The following PUM2 variants were observed in gnomAD, a reference collection of about 807,000 sequenced individuals.
PUM2 encodes the protein pumilio RNA binding family member 2, also known as pumilio homolog 2.
In PUM2, 57 loss-of-function variants were observed where a neutral mutation model predicts 124.5. That is an observed-to-expected ratio of 0.46 (90% CI 0.37 to 0.57). PUM2 has a LOEUF of 0.57. Ranked by LOEUF, PUM2 falls within the 20% of genes least tolerant of loss-of-function variation. The pLI, the probability that PUM2 is intolerant of heterozygous loss-of-function variation, is 0.00. For missense variants in PUM2, 1,065 were observed against 1,290.6 expected, an observed-to-expected ratio of 0.83 and a Z score of 2.68; for synonymous variants, 460 against 446.1, an observed-to-expected ratio of 1.03 and a Z score of -0.39.
At chr2:20,303,161 A>G (rs1677397676) in intron 7 of PUM2, among the ~76,000 whole-genome samples, 1 of 149,960 alleles carries the variant, frequency 6.7e-6, no homozygotes, top group Non-Finnish European at 1.5e-5. Context: ...TGACCTACAA[A>G]AAAAGCTTTT....
At chr2:20,296,996 G>T (rs2148312811) in intron 8 of PUM2, among the ~76,000 whole-genome samples, 1 of 152,220 alleles carries the variant, frequency 6.6e-6, no homozygotes, top group Middle Eastern at 3.4e-3. Flanking sequence ...CACCTGGCCA[G>T]CTTTGGCTTT....
At chr2:20,346,244 T>C (rs1262154424) in intron 1 of PUM2, among the ~76,000 whole-genome samples, 1 of 152,212 alleles carries the variant, frequency 6.6e-6, no homozygotes, top group Non-Finnish European at 1.5e-5. Flanking sequence ...TTATCATAGA[T>C]AACTGAATGT....
chr2:20,329,309 A>G (rs903568037), intron 1 of PUM2, among the ~76,000 whole-genome samples: 12 of 150,290 alleles, frequency 8.0e-5, no homozygotes, highest in Non-Finnish European at 1.3e-4. Flanking sequence ...GGGCATGCCT[A>G]TAGCCACAGC....
intron 2 of PUM2, among the ~76,000 whole-genome samples, chr2:20,326,652 A>G (rs1683750034): frequency 6.6e-6 from 1 of 152,236 alleles, no homozygotes; most frequent in South Asian, 2.1e-4. Context: ...GATGAGGTTA[A>G]CTTTGGTGCT....
At chr2:20,264,104 C>A (rs953991228) in intron 13 of PUM2, among the ~76,000 whole-genome samples, 1 of 150,710 alleles carries the variant, frequency 6.6e-6, no homozygotes, top group African/African-American at 2.4e-5. Flanking sequence ...TTTGGATGGT[C>A]GAGGAGGGCG....
At chr2:20,270,037 G>GCC (rs1308461900) in intron 13 of PUM2, among the ~76,000 whole-genome samples, 1 of 152,042 alleles carries the variant, frequency 6.6e-6, no homozygotes, top group Admixed American at 6.6e-5. Flanking sequence ...AGTTCCAAAA[G>GCC]TTGCCTCAAT....
intron 4 of PUM2, among the ~76,000 whole-genome samples, chr2:20,312,019 T>G (rs548084534): frequency 2.4e-4 from 36 of 152,274 alleles, no homozygotes; most frequent in African/African-American, 7.7e-4. Context: ...ATTAGTATGA[T>G]TTGACTTTTG....
At chr2:20,337,783 T>C (rs1397576999) in intron 1 of PUM2, among the ~76,000 whole-genome samples, 3 of 152,188 alleles carry the variant, frequency 2.0e-5, no homozygotes, top group Non-Finnish European at 4.4e-5. Flanking sequence ...CAAAAACTGA[T>C]TTCCAAAAGG....
Position 20,254,783 on chromosome 2 carries a change from C to T in PUM2, c.2870+80G>A, listed in dbSNP as rs181926818. 124 of 1,420,866 alleles carry T rather than the reference C, an allele frequency of 8.7e-5. 1 individual carries two copies. In the East Asian group the frequency reaches 2.4e-3, roughly 27 times the overall value. 88.0% of individuals were successfully genotyped at this position (1,420,866 alleles called of 1,614,324 possible). A position where few individuals can be genotyped will look rare whatever the true frequency, so the allele number is the denominator to read the frequency against. ...AAAGACTACAGTTTAATGCTACATG[C>T]TACACGTATTTCTGTGATAACTAAT... On this transcript the variant is annotated intron_variant, in intron 19 of 20. Transcript: ENST00000361078.
At chr2:20,349,913 A>C (rs1273219206) in intron 1 of PUM2, among the ~76,000 whole-genome samples, 1 of 152,256 alleles carries the variant, frequency 6.6e-6, no homozygotes, top group Non-Finnish European at 1.5e-5. Context: ...TTCAGAAACA[A>C]CACTAACTTT....
At chr2:20,317,137 C>A (rs569529361) in intron 3 of PUM2, among the ~76,000 whole-genome samples, 1 of 152,034 alleles carries the variant, frequency 6.6e-6, no homozygotes, top group African/African-American at 2.4e-5. Flanking sequence ...CTTGAGACTG[C>A]AGCGAGCTAA....
chr2:20,311,768 G>A, intron 4 of PUM2, 105 bp from the exon 5 acceptor site: 2 of 1,158,402 alleles, frequency 1.7e-6, no homozygotes, highest in Non-Finnish European at 2.4e-6. Flanking sequence ...AACAATAAAA[G>A]CATTGAATCT....
intron 7 of PUM2, among the ~76,000 whole-genome samples, chr2:20,307,244 A>G (rs990687270): frequency 6.6e-6 from 1 of 152,032 alleles, no homozygotes; most frequent in Non-Finnish European, 1.5e-5. Flanking sequence ...ACTGAAAAAT[A>G]AAAATTAGGG....
At chr2:20,346,564 A>AC (rs1427539851) in intron 1 of PUM2, among the ~76,000 whole-genome samples, 1 of 152,194 alleles carries the variant, frequency 6.6e-6, no homozygotes, top group Admixed American at 6.5e-5. Flanking sequence ...TTTTTCAGAA[A>AC]CTGCCTAAAG....
At chr2:20,325,226 C>T (rs370471207) in intron 2 of PUM2, among the ~76,000 whole-genome samples, 48 of 151,654 alleles carry the variant, frequency 3.2e-4, no homozygotes, top group African/African-American at 1.1e-3. Context: ...AGTGTTAGTG[C>T]TTAAACTGTT....
chr2:20,268,590 C>T (rs1294288294), intron 13 of PUM2, among the ~76,000 whole-genome samples: 1 of 152,124 alleles, frequency 6.6e-6, no homozygotes, highest in Non-Finnish European at 1.5e-5. Context: ...TGCACTCTAG[C>T]TTGGGCAATA....
At chr2:20,306,740 C>T (rs868366406) in intron 7 of PUM2, among the ~76,000 whole-genome samples, 3 of 151,198 alleles carry the variant, frequency 2.0e-5, no homozygotes, top group Non-Finnish European at 4.4e-5. Context: ...CCCAAGTAGA[C>T]GGGATTACAG....
Position 20,283,466 on chromosome 2 carries a change from T to A in PUM2, c.1312A>T (p.Thr438Ser), listed in dbSNP as rs771883277. ...GCACCAGTCTGATCATAATAGGCAGTTGGAGCTAGTACTTGATAGCCTAAA... is the reference window on the plus strand; with the variant it reads ...GCACCAGTCTGATCATAATAGGCAGATGGAGCTAGTACTTGATAGCCTAAA... The part of the protein sequence containing the change: ...GMPGYQVLAP[T>S]AYYDQTGALV... Residue 438 changes from threonine (T) to serine (S), a missense_variant, in exon 11 of 21, where the codon ACT (threonine) becomes TCT (serine). By Grantham distance (58) the Thr-to-Ser change is moderately conservative (BLOSUM62 1). Coordinates refer to ENST00000361078, the MANE Select transcript of PUM2 (RefSeq NM_015317.5). 3.7e-6 allele frequency: 6 copies of A among 1,613,542 alleles called. No individual in the cohort carries two copies. Among genetic ancestry groups the A allele is most frequent in the Non-Finnish European group, 5.1e-6 (6 of 1,179,732 alleles).
intron 1 of PUM2, among the ~76,000 whole-genome samples, chr2:20,346,624 T>C (rs1466074530): frequency 6.6e-6 from 1 of 152,236 alleles, no homozygotes; most frequent in Non-Finnish European, 1.5e-5. Flanking sequence ...TGTCATAAGA[T>C]GGCTACTACA....
Sources: allele counts gnomAD v4.1 joint callset (sites outside exome capture counted in the v4.1 genomes callset), GRCh38; gene constraint gnomAD v4.1.1; transcripts MANE v1.5; gene names NCBI Gene and HGNC (gene_info 2026-07-23, HGNC 2026-07-21).